The following NBAS variants were observed in gnomAD, a reference collection of about 807,000 sequenced individuals.
The protein encoded by NBAS is NAG/BC035112 fusion.
A neutral mutation model predicts 302.5 loss-of-function variants in NBAS; 219 were observed. The ratio of observed to expected loss-of-function variants is 0.72; its 90% CI spans 0.65 to 0.81. The LOEUF is 0.81. NBAS is among the 30% of genes least tolerant of loss of function. NBAS has a pLI of 0.00. For synonymous variants in NBAS, 1,118 were observed against 1,021.6 expected, an observed-to-expected ratio of 1.09 and a Z score of -1.80; for missense variants, 2,932 against 2,841.6, an observed-to-expected ratio of 1.03 and a Z score of -0.72.
chr2:15,048,286 C>T, the NBAS span, among the ~76,000 whole-genome samples: 34 of 152,194 alleles, frequency 2.2e-4, no homozygotes, highest in Middle Eastern at 3.2e-3. Context: ...CCATCCGTGC[C>T]GGATGCTCTT....
rs149537630 is a variant in NBAS, at chr2:15,429,169, C to T, written c.2340-1375G>A. On this transcript the variant is annotated intron_variant, in intron 21 of 51. Coordinates refer to ENST00000281513, the MANE Select transcript of NBAS (RefSeq NM_015909.4). ...AATCTGTCTCTTCATGAGCTAGGCA[C>T]TCTCTGGCATGTGACTCTCTAAAAT... Among the ~76,000 whole-genome samples the T allele has an allele frequency of 5.9e-5, 9 of 152,284 alleles. No individual in the cohort carries two copies. In the East Asian group the frequency reaches 1.7e-3, roughly 29 times the overall value.
intron 35 of NBAS, among the ~76,000 whole-genome samples, chr2:15,339,847 C>G (rs2148263795): frequency 6.6e-6 from 1 of 150,986 alleles, no homozygotes; most frequent in South Asian, 2.1e-4. Flanking sequence ...TTGGGAAGAA[C>G]ATTCCAGGTA....
chr2:14,877,052 C>T, the NBAS span, among the ~76,000 whole-genome samples: 1 of 152,242 alleles, frequency 6.6e-6, no homozygotes, highest in Non-Finnish European at 1.5e-5. Flanking sequence ...ACGTTCTTAA[C>T]TCTGAGCTCT....
the NBAS span, among the ~76,000 whole-genome samples, chr2:14,811,393 A>C: frequency 6.6e-6 from 1 of 152,090 alleles, no homozygotes; most frequent in East Asian, 1.9e-4. Context: ...CCAGGCTACA[A>C]AGTGAGGCCC....
In NBAS at chr2:15,388,918, T is replaced by TA. The variant is rs200866316; in HGVS notation, c.3257+5308dup. Among the ~76,000 whole-genome samples, 804 of 150,670 alleles carry TA rather than the reference T, an allele frequency of 5.3e-3. 4 individuals are homozygous for TA. The highest frequency in any genetic ancestry group is 0.017 in the African/African-American group (698 of 41,336). ...ACTATATAATTCCATTTATATAAAG[T>TA]AAAAAAAAGAGGCAAAGTTAATCTA... On this transcript the variant is annotated intron_variant, in intron 28 of 51. Coordinates refer to ENST00000281513, the MANE Select transcript of NBAS (RefSeq NM_015909.4).
chr2:15,053,650 C>T, the NBAS span, among the ~76,000 whole-genome samples: 2 of 151,960 alleles, frequency 1.3e-5, no homozygotes, highest in African/African-American at 4.8e-5. Context: ...CTTTCCCCTG[C>T]AGACCCGGGG....
At chr2:14,848,544 G>A in the NBAS span, among the ~76,000 whole-genome samples, 1 of 141,324 alleles carries the variant, frequency 7.1e-6, no homozygotes, top group Non-Finnish European at 1.5e-5. Flanking sequence ...AAACAAAGCG[G>A]CCAGGAAGCT....
the NBAS span, among the ~76,000 whole-genome samples, chr2:14,904,402 G>A: frequency 2.6e-5 from 4 of 152,180 alleles, no homozygotes; most frequent in African/African-American, 7.2e-5. Flanking sequence ...GTCCAAAGGC[G>A]GAAGAACCTG....
the NBAS span, among the ~76,000 whole-genome samples, chr2:14,923,018 G>A: frequency 6.6e-6 from 1 of 152,162 alleles, no homozygotes. Context: ...CGGGCGCCAT[G>A]GCAGGTGCCT....
chr2:15,033,144 AAAG>A, the NBAS span, among the ~76,000 whole-genome samples: 2 of 152,232 alleles, frequency 1.3e-5, no homozygotes, highest in African/African-American at 2.4e-5. Context: ...GCATCAGACC[AAAG>A]AAGATTATTC....
At chr2:15,173,210 A>C (rs1444687353) in intron 51 of NBAS, among the ~76,000 whole-genome samples, 2 of 152,226 alleles carry the variant, frequency 1.3e-5, no homozygotes, top group African/African-American at 4.8e-5. Flanking sequence ...AAAGAAATCT[A>C]TTAAAGCACA....
intron 51 of NBAS, among the ~76,000 whole-genome samples, chr2:15,167,604 T>G (rs1664093474): frequency 1.3e-5 from 2 of 152,172 alleles, no homozygotes; most frequent in Admixed American, 1.3e-4. Flanking sequence ...CAGCATCTCT[T>G]CACCAAGGCC....
the NBAS span, among the ~76,000 whole-genome samples, chr2:14,922,893 C>G: frequency 7.2e-5 from 11 of 152,202 alleles, no homozygotes; most frequent in Non-Finnish European, 1.3e-4. Flanking sequence ...TGGCTCACAA[C>G]TGTAATCCCA....
At position 15,351,882 on chromosome 2, in the gene NBAS, A is replaced by ACACACACACACACG. The variant is rs952561921; in HGVS notation, c.4179+109_4179+110insCGTGTGTGTGTGTG. 8 of 382,824 alleles carry ACACACACACACACG rather than the reference A, an allele frequency of 2.1e-5. 1 individual carries two copies. The highest frequency in any genetic ancestry group is 1.1e-4 in the African/African-American group (6 of 53,154). 23.7% of individuals were successfully genotyped at this position (382,824 alleles called of 1,614,324 possible). On this transcript the variant is annotated intron_variant, in intron 35 of 51. Coordinates refer to ENST00000281513, the MANE Select transcript of NBAS (RefSeq NM_015909.4). ...AAGTGGTCTGCATGCACACACACAC[A>ACACACACACACACG]CACACACACACACACACACACAAAA...
At chr2:15,335,146 G>A (rs1245904543) in intron 35 of NBAS, among the ~76,000 whole-genome samples, 1 of 146,622 alleles carries the variant, frequency 6.8e-6, no homozygotes, top group African/African-American at 2.6e-5. Flanking sequence ...AGACCAGCCT[G>A]GGCAATGCAA....
the NBAS span, among the ~76,000 whole-genome samples, chr2:15,102,585 C>T: frequency 6.6e-6 from 1 of 152,136 alleles, no homozygotes; most frequent in Non-Finnish European, 1.5e-5. Context: ...TTTGCAACTC[C>T]ATGGTGTCTA....
At chr2:15,245,644 T>TGGATGGATGGACGGAC (rs1553351366) in intron 44 of NBAS, among the ~76,000 whole-genome samples, 20 of 149,208 alleles carry the variant, frequency 1.3e-4, no homozygotes, top group African/African-American at 4.7e-4. Flanking sequence ...GATGGATGGA[T>TGGATGGATGGACGGAC]GGACGGACGG....
At chr2:15,487,805 G>A (rs1680694164) in intron 12 of NBAS, among the ~76,000 whole-genome samples, 1 of 152,172 alleles carries the variant, frequency 6.6e-6, no homozygotes, top group African/African-American at 2.4e-5. Flanking sequence ...AAGGTTGTAA[G>A]CTGAGGAGCA....
chr2:15,284,016 T>C (rs901281698), intron 42 of NBAS, among the ~76,000 whole-genome samples: 5 of 152,132 alleles, frequency 3.3e-5, no homozygotes, highest in African/African-American at 4.8e-5. Flanking sequence ...GGGTTCAACA[T>C]GCCCCAGTGG....
Sources: gnomAD v4.1 joint callset for allele counts (sites outside exome capture counted in the v4.1 genomes callset) on GRCh38, gnomAD v4.1.1 for gene constraint, MANE v1.5 for transcripts, NCBI Gene and HGNC (gene_info 2026-07-23, HGNC 2026-07-21) for gene names.